Variants in GPR143 observed in about 807,000 individuals in gnomAD.
GPR143 encodes the protein G protein-coupled receptor 143, also known as G-protein coupled receptor 143.
In GPR143, 8 loss-of-function variants were observed where a neutral mutation model predicts 27.6. The ratio of observed to expected loss-of-function variants is 0.29; its 90% CI spans 0.17 to 0.52. GPR143 has a LOEUF of 0.52. Among genes scored for constraint, GPR143 ranks in the 20% least tolerant of loss-of-function variants. The pLI is 0.96. For missense variants in GPR143, 303 were observed against 343.1 expected (o/e 0.88, Z 0.92); for synonymous variants, 156 against 153.2 (o/e 1.02, Z -0.13).
chrX:9,734,016 G>A (rs1176828882), intron 8 of GPR143, among the ~76,000 whole-genome samples: 1 of 104,589 alleles, frequency 9.6e-6, no homozygotes, highest in Non-Finnish European at 1.9e-5. Context: ...GGAGGCAGAG[G>A]TTGTGGTGAG....
upstream of GPR143, among the ~76,000 whole-genome samples, chrX:9,769,701 G>T (rs1301501820): frequency 3.6e-5 from 4 of 110,560 alleles, no homozygotes; most frequent in African/African-American, 1.3e-4. Flanking sequence ...CCTGCCTCAG[G>T]CTCCCAAGTA....
intron 8 of GPR143, among the ~76,000 whole-genome samples, chrX:9,729,214 G>A (rs1383789899): frequency 2.7e-5 from 3 of 111,444 alleles, no homozygotes; most frequent in Admixed American, 1.9e-4. Context: ...GCTGGAAGGG[G>A]GCTGGTGGCA....
intron 1 of GPR143, among the ~76,000 whole-genome samples, chrX:9,764,024 G>A (rs1334849915): frequency 8.9e-6 from 1 of 112,623 alleles, no homozygotes; most frequent in East Asian, 2.8e-4. Flanking sequence ...TTTTAGGGCT[G>A]GGTGAGGTGG....
chrX:9,741,586 T>C, intron 6 of GPR143, 131 bp from the exon 7 acceptor site: 1 of 468,800 alleles, frequency 2.1e-6, no homozygotes, highest in South Asian at 2.9e-5. Context: ...TGGCCACTTC[T>C]GCAGTAAGAA....
chrX:9,770,545 C>T (rs951465597), upstream of GPR143, among the ~76,000 whole-genome samples: 6 of 109,864 alleles, frequency 5.5e-5, no homozygotes, highest in African/African-American at 1.3e-4. Flanking sequence ...CTTAGTGGGG[C>T]AGACAAACTT....
At chrX:9,758,115 C>T (rs994170679) in intron 3 of GPR143, among the ~76,000 whole-genome samples, 7 of 111,007 alleles carry the variant, frequency 6.3e-5, no homozygotes, top group African/African-American at 2.3e-4. Flanking sequence ...CAAGGAGGGG[C>T]TCCCTTCAAA....
intron 3 of GPR143, among the ~76,000 whole-genome samples, chrX:9,753,397 A>G (rs1251737377): frequency 1.9e-5 from 2 of 104,946 alleles, no homozygotes; most frequent in Non-Finnish European, 3.9e-5. Flanking sequence ...AATAATTGAA[A>G]AAAACAGAAT....
intron 8 of GPR143, among the ~76,000 whole-genome samples, chrX:9,727,338 G>T (rs2083332452): frequency 8.8e-6 from 1 of 113,260 alleles, no homozygotes; most frequent in Non-Finnish European, 1.9e-5. Flanking sequence ...TCTGCTGAAA[G>T]CAGTTTCATC....
At chrX:9,729,163 A>G (rs751455439) in intron 8 of GPR143, among the ~76,000 whole-genome samples, 6 of 111,388 alleles carry the variant, frequency 5.4e-5, no homozygotes, top group Admixed American at 1.9e-4. Context: ...CCAGCTGGGA[A>G]AACTTCTAAA....
intron 8 of GPR143, among the ~76,000 whole-genome samples, chrX:9,726,187 T>A (rs780940043): frequency 1.2e-3 from 135 of 110,434 alleles, no homozygotes; most frequent in Non-Finnish European, 2.3e-3. Flanking sequence ...ACACGTGCTG[T>A]CTGATGCAGG....
At chrX:9,743,474 G>C in intron 6 of GPR143, 91 bp downstream of exon 6, 2 of 570,834 alleles carry the variant, frequency 3.5e-6, no homozygotes, top group Non-Finnish European at 6.3e-6. Context: ...TCTTCCCTTT[G>C]GAACTTCTGG....
intron 1 of GPR143, 134 bp downstream of exon 1, chrX:9,765,434 T>G: frequency 1.6e-6 from 1 of 624,364 alleles, no homozygotes; most frequent in African/African-American, 2.6e-5. Context: ...TCGTCCTCAC[T>G]CCATCACGGA....
intron 7 of GPR143, among the ~76,000 whole-genome samples, chrX:9,739,971 C>T (rs185924882): frequency 1.8e-3 from 180 of 97,871 alleles, no homozygotes; most frequent in African/African-American, 6.2e-3. Flanking sequence ...GAGGAGGGGA[C>T]GGGGAGGAGC....
intron 5 of GPR143, among the ~76,000 whole-genome samples, chrX:9,745,522 C>G (rs1227673371): frequency 8.9e-6 from 1 of 111,929 alleles, no homozygotes; most frequent in Non-Finnish European, 1.9e-5. Context: ...TCTCCAGCCC[C>G]AGCCTAGAAG....
intron 6 of GPR143, among the ~76,000 whole-genome samples, chrX:9,742,168 C>A (rs181701622): frequency 1.5e-4 from 17 of 111,711 alleles, no homozygotes; most frequent in Admixed American, 1.5e-3. Flanking sequence ...TTAGGTGGCT[C>A]AGTGAAATAT....
At chrX:9,727,683 A>G (rs778315891) in intron 8 of GPR143, among the ~76,000 whole-genome samples, 10 of 112,971 alleles carry the variant, frequency 8.9e-5, no homozygotes, top group South Asian at 3.6e-4. Context: ...TCCAGCCGCA[A>G]CACAGGTTAT....
chrX:9,761,998 A>G (rs2083504032), intron 1 of GPR143, among the ~76,000 whole-genome samples: 2 of 111,942 alleles, frequency 1.8e-5, no homozygotes, highest in South Asian at 7.4e-4. Flanking sequence ...GAGGTGGGAG[A>G]ATCGCTTGAG....
At chrX:9,753,750 C>T (rs779286618) in intron 3 of GPR143, among the ~76,000 whole-genome samples, 7 of 111,762 alleles carry the variant, frequency 6.3e-5, no homozygotes, top group South Asian at 7.6e-4. Context: ...ATCCCCAAGC[C>T]CTTCCAGAGT....
intron 3 of GPR143, among the ~76,000 whole-genome samples, chrX:9,755,304 G>T (rs765679770): frequency 9.0e-6 from 1 of 111,546 alleles, no homozygotes; most frequent in East Asian, 2.8e-4. Context: ...TGTAATCCCA[G>T]CTACGTGGGA....
Sources: allele counts gnomAD v4.1 joint callset (sites outside exome capture counted in the v4.1 genomes callset), GRCh38; gene constraint gnomAD v4.1.1; transcripts MANE v1.5; gene names NCBI Gene and HGNC (gene_info 2026-07-23, HGNC 2026-07-21).